ANKFY1: variants seen among roughly 807,000 people sequenced by gnomAD.
The protein encoded by ANKFY1 is ankyrin repeat and FYVE domain containing 1.
Under a neutral mutation model 128.3 loss-of-function variants are expected in ANKFY1, and 47 were observed. That is an observed-to-expected ratio of 0.37 (90% CI 0.29 to 0.47). ANKFY1 has a LOEUF of 0.47. Ranked by LOEUF, ANKFY1 falls within the 20% of genes least tolerant of loss-of-function variation. The pLI, the probability that ANKFY1 is intolerant of heterozygous loss-of-function variation, is 1.00. For synonymous variants in ANKFY1, 553 were observed against 601.6 expected (o/e 0.92, Z 1.18); for missense variants, 1,222 against 1,510.6 (o/e 0.81, Z 3.17).
chr17:4,165,797 G>A lies in ANKFY1; in HGVS notation c.*1982C>T, dbSNP rs558735981. The A allele has an allele frequency of 2.0e-5, 3 of 152,212 alleles. No individual in the cohort carries two copies. The highest frequency in any genetic ancestry group is 1.9e-4 in the East Asian group (1 of 5,192). 9.4% of individuals were successfully genotyped at this position (152,212 alleles called of 1,614,324 possible). A position where few individuals can be genotyped will look rare whatever the true frequency, so the allele number is the denominator to read the frequency against. ...ATGGTAGGGCATGGGCAGAACAATC[G>A]GCCTCACCCTTGACTCATCTCCCAC... On this transcript the variant is annotated 3_prime_UTR_variant, in exon 25 of 25. Coordinates refer to ENST00000341657, the MANE Select transcript of ANKFY1 (RefSeq NM_001330063.2).
chr17:4,216,154 T>C (rs2060217519), intron 4 of ANKFY1, among the ~76,000 whole-genome samples: 1 of 152,200 alleles, frequency 6.6e-6, no homozygotes, highest in South Asian at 2.1e-4. Context: ...CACCAGCCCA[T>C]GACGAAAACA....
At chr17:4,205,187 TG>T (rs1295919256) in intron 7 of ANKFY1, among the ~76,000 whole-genome samples, 1 of 152,076 alleles carries the variant, frequency 6.6e-6, no homozygotes, top group African/African-American at 2.4e-5. Flanking sequence ...GATGTCTACG[TG>T]TAAGTAAAAA....
At position 4,172,677 on chromosome 17, in the gene ANKFY1, G is replaced by C; in HGVS notation, c.3018C>G (p.Gly1006=). ...TVDAEAFNLR[G]QSPLHILGQY... Reference sequence around the variant, plus strand: ...GTCCCAAAATGTGCAGTGGTGACTGGCCTCTGATAAAACAAGTTGGAAAAG... The same window carrying C: ...GTCCCAAAATGTGCAGTGGTGACTGCCCTCTGATAAAACAAGTTGGAAAAG... Residue 1006 remains glycine (G), a synonymous_variant, in exon 22 of 25, where the codon GGC becomes GGG. Transcript: ENST00000341657. The C allele has an allele frequency of 6.2e-7, 1 of 1,613,802 alleles. No individual in the cohort carries two copies. Among genetic ancestry groups the C allele is most frequent in the South Asian group, 1.1e-5 (1 of 91,048 alleles).
intron 3 of ANKFY1, among the ~76,000 whole-genome samples, chr17:4,232,084 C>T (rs893812495): frequency 6.6e-6 from 1 of 152,046 alleles, no homozygotes; most frequent in Non-Finnish European, 1.5e-5. Flanking sequence ...CCTTGAAAAG[C>T]GCTTACCACT....
intron 7 of ANKFY1, among the ~76,000 whole-genome samples, chr17:4,201,987 AAACT>A (rs1292077532): frequency 1.3e-5 from 2 of 152,262 alleles, no homozygotes; most frequent in East Asian, 1.9e-4. Context: ...GAGTAGAAAG[AAACT>A]TTAGAATTAT....
chr17:4,204,043 G>A (rs1433037920), intron 7 of ANKFY1, among the ~76,000 whole-genome samples: 1 of 152,024 alleles, frequency 6.6e-6, no homozygotes, highest in African/African-American at 2.4e-5. Flanking sequence ...CCACTCTTTA[G>A]ATAAAATGAC....
At chr17:4,250,875 T>TCCTC (rs1357702044) in intron 1 of ANKFY1, among the ~76,000 whole-genome samples, 1 of 152,152 alleles carries the variant, frequency 6.6e-6, no homozygotes, top group Non-Finnish European at 1.5e-5. Context: ...CCTCAAGGGA[T>TCCTC]CCTCCCACTT....
chr17:4,225,964 T>C (rs1449573232), intron 3 of ANKFY1, among the ~76,000 whole-genome samples: 2 of 152,142 alleles, frequency 1.3e-5, no homozygotes, highest in East Asian at 3.8e-4. Context: ...GGTTTTGCCA[T>C]GTTGCCCAGG....
chr17:4,172,466 C>T, intron 22 of ANKFY1, 90 bp downstream of exon 22: 4 of 1,528,822 alleles, frequency 2.6e-6, no homozygotes, highest in South Asian at 2.5e-5. Context: ...AGCTGAACGC[C>T]CTCAGATAAC....
intron 4 of ANKFY1, 66 bp downstream of exon 4, chr17:4,216,917 A>G (rs980965027): frequency 1.2e-6 from 2 of 1,605,700 alleles, no homozygotes; most frequent in Admixed American, 1.7e-5. Context: ...GTTTTCCCAG[A>G]GCTCGGCATA....
At chr17:4,172,447 T>C (rs2059338555) in intron 22 of ANKFY1, 109 bp downstream of exon 22, 6 of 1,459,296 alleles carry the variant, frequency 4.1e-6, no homozygotes, top group South Asian at 1.3e-5. Context: ...CCAACAGAAC[T>C]GTTCTGCGAG....
intron 2 of ANKFY1, among the ~76,000 whole-genome samples, chr17:4,238,581 C>G (rs1286452641): frequency 6.6e-6 from 1 of 151,896 alleles, no homozygotes; most frequent in Non-Finnish European, 1.5e-5. Flanking sequence ...TCAAGCGATT[C>G]TCCTGCCTCG....
In ANKFY1 at chr17:4,250,817, T is replaced by C. The variant is rs139053369; in HGVS notation, c.11-8369A>G. Among the ~76,000 whole-genome samples, 9 of 152,324 alleles carry C rather than the reference T, an allele frequency of 5.9e-5. No individual in the cohort carries two copies. In the East Asian group the frequency reaches 1.3e-3, roughly 23 times the overall value. On this transcript the variant is annotated intron_variant, in intron 1 of 24. Coordinates refer to ENST00000341657, the MANE Select transcript of ANKFY1 (RefSeq NM_001330063.2). The stretch of plus-strand genomic sequence containing the variant: ...CCACCACATCTGGCCAATTTTTTTG[T>C]AGAGACAGGGTCTCAGTATGGCGCC...
intron 11 of ANKFY1, 62 bp downstream of exon 11, chr17:4,189,320 C>T (rs781410730): frequency 6.4e-6 from 9 of 1,397,712 alleles, no homozygotes; most frequent in Admixed American, 6.3e-5. Context: ...TCCTACATAT[C>T]CACCACTGCC....
chr17:4,242,176 G>T, intron 2 of ANKFY1, 80 bp downstream of exon 2: 1 of 1,328,570 alleles, frequency 7.5e-7, no homozygotes, highest in Non-Finnish European at 1.0e-6. Flanking sequence ...AATAAATTTT[G>T]GAAGAAAGTG....
At chr17:4,192,049 C>T (rs111587842) in intron 10 of ANKFY1, among the ~76,000 whole-genome samples, 1 of 49,940 alleles carries the variant, frequency 2.0e-5, no homozygotes, top group Non-Finnish European at 4.6e-5. Context: ...CTGGAGACTC[C>T]TAGTTGATGG....
intron 22 of ANKFY1, among the ~76,000 whole-genome samples, chr17:4,171,736 C>T (rs951332610): frequency 6.6e-6 from 1 of 152,132 alleles, no homozygotes; most frequent in Non-Finnish European, 1.5e-5. Flanking sequence ...AAAAACAGTG[C>T]GCACGTAGCA....
At chr17:4,224,664 G>T (rs911592089) in intron 3 of ANKFY1, among the ~76,000 whole-genome samples, 199 of 151,872 alleles carry the variant, frequency 1.3e-3, no homozygotes, top group African/African-American at 4.5e-3. Context: ...AAAACTGTTT[G>T]TTTGTTTTTT....
At chr17:4,254,690 T>C (rs1377849996) in intron 1 of ANKFY1, among the ~76,000 whole-genome samples, 1 of 152,212 alleles carries the variant, frequency 6.6e-6, no homozygotes, top group East Asian at 1.9e-4. Flanking sequence ...AAATTCTGTA[T>C]AGTAAAAGAT....
Sources: gnomAD v4.1 joint callset for allele counts (sites outside exome capture counted in the v4.1 genomes callset) on GRCh38, gnomAD v4.1.1 for gene constraint, MANE v1.5 for transcripts, NCBI Gene and HGNC (gene_info 2026-07-23, HGNC 2026-07-21) for gene names.